Variants in MLIP observed in about 807,000 individuals in gnomAD.
MLIP encodes the protein muscular LMNA-interacting protein.
In MLIP, 79 loss-of-function variants were observed where a neutral mutation model predicts 84.8. The ratio of observed to expected loss-of-function variants is 0.93; its 90% CI spans 0.78 to 1.12. The LOEUF (loss-of-function observed/expected upper bound fraction) is 1.12, where lower values mean the gene tolerates loss of function less well. MLIP is among the 50% of genes most tolerant of loss of function. The probability of loss-of-function intolerance (pLI) is 0.00; values close to 1 mark genes in which losing one functional copy is unlikely to be tolerated. For missense variants in MLIP, 1,257 were observed against 1,160.6 expected (o/e 1.08, Z -1.21); for synonymous variants, 504 against 463.0 (o/e 1.09, Z -1.14).
At chr6:54,102,249 G>A (rs1221233970) in intron 1 of MLIP, among the ~76,000 whole-genome samples, 1 of 152,084 alleles carries the variant, frequency 6.6e-6, no homozygotes, top group African/African-American at 2.4e-5. Context: ...TCTCTTGCTG[G>A]CTTGTGAGAA....
intron 1 of MLIP, among the ~76,000 whole-genome samples, chr6:54,072,792 T>C (rs1766564773): frequency 6.6e-6 from 1 of 152,234 alleles, no homozygotes. Context: ...GAATATTTTG[T>C]GTAAATGTAT....
intron 1 of MLIP, among the ~76,000 whole-genome samples, chr6:54,034,972 A>G (rs1296900447): frequency 6.6e-6 from 1 of 152,160 alleles, no homozygotes; most frequent in Non-Finnish European, 1.5e-5. Flanking sequence ...TAGATACACA[A>G]ATATATACCA....
chr6:54,247,464 G>T (rs968421288), intron 12 of MLIP, among the ~76,000 whole-genome samples: 1 of 152,106 alleles, frequency 6.6e-6, no homozygotes, highest in Non-Finnish European at 1.5e-5. Flanking sequence ...CTAAGACCAA[G>T]TTAGAGTGCC....
chr6:54,253,031 T>G (rs781780688), intron 12 of MLIP, among the ~76,000 whole-genome samples: 4 of 152,152 alleles, frequency 2.6e-5, no homozygotes, highest in Non-Finnish European at 4.4e-5. Flanking sequence ...TCTTCCTTTC[T>G]TTTATTAATT....
chr6:54,223,355 TG>T, intron 11 of MLIP, among the ~76,000 whole-genome samples: 1 of 152,072 alleles, frequency 6.6e-6, no homozygotes, highest in East Asian at 1.9e-4. Flanking sequence ...CTTTTTTTCT[TG>T]TTTGCTTCTA....
intron 12 of MLIP, among the ~76,000 whole-genome samples, chr6:54,254,403 G>T (rs999824081): frequency 6.6e-6 from 1 of 152,010 alleles, no homozygotes; most frequent in Non-Finnish European, 1.5e-5. Context: ...GGGATTACAG[G>T]TGTGAGCCAC....
At chr6:54,138,959 G>A (rs1467185562) in intron 4 of MLIP, among the ~76,000 whole-genome samples, 1 of 152,168 alleles carries the variant, frequency 6.6e-6, no homozygotes, top group Non-Finnish European at 1.5e-5. Context: ...TAGTTTTAGA[G>A]CTTTGAAATA....
At chr6:54,063,772 C>T (rs1019044197) in intron 1 of MLIP, among the ~76,000 whole-genome samples, 3 of 149,156 alleles carry the variant, frequency 2.0e-5, no homozygotes, top group South Asian at 2.1e-4. Flanking sequence ...TTTCTTAGTA[C>T]GTATAGTAAT....
chr6:54,020,865 AGAG>A (rs1004499391), intron 1 of MLIP, among the ~76,000 whole-genome samples: 2 of 152,218 alleles, frequency 1.3e-5, no homozygotes, highest in African/African-American at 4.8e-5. Context: ...TGCATTGAGA[AGAG>A]AGGCTGTTCT....
At chr6:54,076,489 T>G (rs185153479) in intron 1 of MLIP, among the ~76,000 whole-genome samples, 2 of 152,314 alleles carry the variant, frequency 1.3e-5, no homozygotes, top group East Asian at 3.9e-4. Context: ...CTGGACCTGT[T>G]TCTGAAGGAA....
chr6:54,020,847 C>T (rs1030276565), intron 1 of MLIP, among the ~76,000 whole-genome samples: 2 of 152,120 alleles, frequency 1.3e-5, no homozygotes, highest in African/African-American at 2.4e-5. Flanking sequence ...GGCATACGAA[C>T]ATTCACCTGC....
intron 1 of MLIP, among the ~76,000 whole-genome samples, chr6:54,060,531 T>G (rs1042310670): frequency 1.3e-5 from 2 of 152,210 alleles, no homozygotes; most frequent in African/African-American, 4.8e-5. Context: ...GTCAGAGTTG[T>G]AAGATGTGAC....
At chr6:54,254,875 A>C (rs1349808896) in intron 12 of MLIP, among the ~76,000 whole-genome samples, 1 of 150,224 alleles carries the variant, frequency 6.7e-6, no homozygotes, top group African/African-American at 2.5e-5. Flanking sequence ...CACATCAGCC[A>C]CAGTAACTTT....
At chr6:54,193,297 T>C (rs191250535) in intron 10 of MLIP, among the ~76,000 whole-genome samples, 2 of 152,314 alleles carry the variant, frequency 1.3e-5, no homozygotes, top group East Asian at 3.9e-4. Flanking sequence ...GAATAACGAC[T>C]CTGTCAGCCT....
chr6:54,195,874 T>A (rs1778258167), intron 10 of MLIP, among the ~76,000 whole-genome samples: 1 of 152,152 alleles, frequency 6.6e-6, no homozygotes, highest in Non-Finnish European at 1.5e-5. Flanking sequence ...AAGAGTTTTA[T>A]TGCATATCAC....
intron 1 of MLIP, among the ~76,000 whole-genome samples, chr6:54,101,743 C>G (rs1768666464): frequency 6.6e-6 from 1 of 152,110 alleles, no homozygotes; most frequent in Non-Finnish European, 1.5e-5. Context: ...TTGTACTATC[C>G]ATATTGAAAA....
chr6:54,138,931 C>T (rs1393105005), intron 4 of MLIP, among the ~76,000 whole-genome samples: 2 of 152,090 alleles, frequency 1.3e-5, no homozygotes, highest in Non-Finnish European at 2.9e-5. Context: ...ATTTTCAGCT[C>T]AGCACATTGA....
At chr6:54,219,607 T>C (rs536608364) in intron 11 of MLIP, among the ~76,000 whole-genome samples, 9 of 152,358 alleles carry the variant, frequency 5.9e-5, no homozygotes, top group Non-Finnish European at 8.8e-5. Flanking sequence ...GACAGATTTA[T>C]GGTTTGCAAA....
At chr6:54,195,513 T>C (rs578229198) in intron 10 of MLIP, among the ~76,000 whole-genome samples, 3 of 152,220 alleles carry the variant, frequency 2.0e-5, no homozygotes, top group East Asian at 1.9e-4. Context: ...GCGCTGGTAG[T>C]TAATCTCCAA....
Sources: allele counts gnomAD v4.1 joint callset (sites outside exome capture counted in the v4.1 genomes callset), GRCh38; gene constraint gnomAD v4.1.1; transcripts MANE v1.5; gene names NCBI Gene and HGNC (gene_info 2026-07-23, HGNC 2026-07-21).